The following KCNIP4 variants were observed in gnomAD, a reference collection of about 807,000 sequenced individuals.
The protein encoded by KCNIP4 is Kv channel-interacting protein 4.
A neutral mutation model predicts 34.0 loss-of-function variants in KCNIP4; 12 were observed. The ratio of observed to expected loss-of-function variants is 0.35; its 90% CI spans 0.23 to 0.57. The LOEUF (loss-of-function observed/expected upper bound fraction) is 0.57. Ranked by LOEUF, KCNIP4 falls within the 20% of genes least tolerant of loss-of-function variation. KCNIP4 has a pLI of 0.83. For missense variants in KCNIP4, 238 were observed against 311.7 expected, an observed-to-expected ratio of 0.76 and a Z score of 1.78; for synonymous variants, 124 against 102.2, an observed-to-expected ratio of 1.21 and a Z score of -1.29.
At chr4:21,618,493 G>A (rs1744752772) in intron 1 of KCNIP4, among the ~76,000 whole-genome samples, 1 of 151,844 alleles carries the variant, frequency 6.6e-6, no homozygotes, top group African/African-American at 2.4e-5. Context: ...TACCTTTCTA[G>A]TTGGAGAGTG....
intron 1 of KCNIP4, among the ~76,000 whole-genome samples, chr4:21,066,134 G>A (rs77406001): frequency 0.14 from 20,975 of 151,938 alleles, 1,686 homozygotes; most frequent in East Asian, 0.24. Context: ...TTTGTTTATA[G>A]GATCAACAAC....
At chr4:21,897,014 C>G (rs569191106) in intron 1 of KCNIP4, among the ~76,000 whole-genome samples, 42 of 151,858 alleles carry the variant, frequency 2.8e-4, no homozygotes, top group African/African-American at 9.7e-4. Flanking sequence ...TGTTTATACC[C>G]TGGCTATAGT....
At chr4:21,459,018 C>T (rs184481879) in intron 1 of KCNIP4, among the ~76,000 whole-genome samples, 3 of 152,204 alleles carry the variant, frequency 2.0e-5, no homozygotes, top group East Asian at 1.9e-4. Context: ...TACGTTATCA[C>T]TGTTTTTAAT....
At chr4:21,094,604 A>AG (rs1329306322) in intron 1 of KCNIP4, among the ~76,000 whole-genome samples, 1 of 152,140 alleles carries the variant, frequency 6.6e-6, no homozygotes, top group Non-Finnish European at 1.5e-5. Context: ...TCCTTGTGGG[A>AG]GGGGGTCTCA....
chr4:21,924,238 T>C (rs1729102947), intron 1 of KCNIP4, among the ~76,000 whole-genome samples: 2 of 127,638 alleles, frequency 1.6e-5, no homozygotes, highest in African/African-American at 5.9e-5. Context: ...TTAATGAATA[T>C]ATTTCTTTTT....
chr4:21,387,067 T>C (rs954660572), intron 1 of KCNIP4, among the ~76,000 whole-genome samples: 2 of 152,166 alleles, frequency 1.3e-5, no homozygotes, highest in Non-Finnish European at 2.9e-5. Flanking sequence ...AGGTAGGTTA[T>C]TTCCATGCCT....
At chr4:21,021,833 TA>T (rs1489270781) in intron 1 of KCNIP4, among the ~76,000 whole-genome samples, 1 of 149,970 alleles carries the variant, frequency 6.7e-6, no homozygotes, top group South Asian at 2.1e-4. Context: ...GTGTATGCTC[TA>T]AAATAATAAT....
chr4:20,848,800 T>C (rs1301877296), intron 3 of KCNIP4, among the ~76,000 whole-genome samples: 2 of 152,108 alleles, frequency 1.3e-5, no homozygotes, highest in Non-Finnish European at 2.9e-5. Context: ...CAATCCAATG[T>C]TAAAAAGAAA....
In KCNIP4 at chr4:21,320,964, T is replaced by TAAAAAAAAAAAAAAAAAAAAAAAA. The variant is rs528123961; in HGVS notation, c.62-438256_62-438255insTTTTTTTTTTTTTTTTTTTTTTTT. 7.4e-4 allele frequency among the ~76,000 whole-genome samples: 76 copies of TAAAAAAAAAAAAAAAAAAAAAAAA among 102,832 alleles called. 3 individuals are homozygous for TAAAAAAAAAAAAAAAAAAAAAAAA. Among genetic ancestry groups the TAAAAAAAAAAAAAAAAAAAAAAAA allele is most frequent in the African/African-American group, 2.7e-3 (59 of 21,742 alleles). 67.5% of individuals were successfully genotyped at this position (102,832 alleles called of 152,430 possible). A position where few individuals can be genotyped will look rare whatever the true frequency, so the allele number is the denominator to read the frequency against. On this transcript the variant is annotated intron_variant, in intron 1 of 8. Coordinates refer to ENST00000382152, the MANE Select transcript of KCNIP4 (RefSeq NM_025221.6). The stretch of plus-strand genomic sequence containing the variant: ...TGGGCAATAGAGCAAGAATCTGTCT[T>TAAAAAAAAAAAAAAAAAAAAAAAA]AAAAAAAAAAAAAAAAAAGAGGAAA...
chr4:21,759,149 C>G (rs549113489), intron 1 of KCNIP4, among the ~76,000 whole-genome samples: 1 of 152,046 alleles, frequency 6.6e-6, no homozygotes, highest in Non-Finnish European at 1.5e-5. Flanking sequence ...CTAAGCTGTT[C>G]CCATGAAAAT....
chr4:20,911,922 C>A (rs1157862764), intron 1 of KCNIP4, among the ~76,000 whole-genome samples: 2 of 152,198 alleles, frequency 1.3e-5, no homozygotes, highest in African/African-American at 4.8e-5. Context: ...GTGGATACCA[C>A]ACTGAAATTT....
chr4:21,593,225 T>C (rs1373035743), intron 1 of KCNIP4, among the ~76,000 whole-genome samples: 7 of 151,926 alleles, frequency 4.6e-5, no homozygotes, highest in Admixed American at 3.9e-4. Context: ...TGTACACACA[T>C]TGGACTGTAA....
intron 1 of KCNIP4, among the ~76,000 whole-genome samples, chr4:21,592,386 A>T (rs1191354000): frequency 6.6e-6 from 1 of 152,258 alleles, no homozygotes; most frequent in Non-Finnish European, 1.5e-5. Context: ...TAAGTATTCC[A>T]TCATAGAAAG....
chr4:20,968,598 T>C (rs1008891681), intron 1 of KCNIP4, among the ~76,000 whole-genome samples: 20 of 151,890 alleles, frequency 1.3e-4, no homozygotes, highest in Non-Finnish European at 2.2e-4. Flanking sequence ...TATGCAGCCA[T>C]AAAAAAGGAT....
chr4:20,756,530 G>A (rs1379228009), intron 4 of KCNIP4, among the ~76,000 whole-genome samples: 1 of 152,054 alleles, frequency 6.6e-6, no homozygotes, highest in Non-Finnish European at 1.5e-5. Flanking sequence ...ACTATGATCA[G>A]TTTCCTCATC....
rs564141909 is a variant in KCNIP4 at position 21,105,125 on chromosome 4, C to A, written c.62-222416G>T. On this transcript the variant is annotated intron_variant, in intron 1 of 8. Transcript: ENST00000382152. ...ACCTTAAAGTAGTTTTTTTCCAATT[C>A]TGTGAAGAAAGTCATTGGTAGCTTG... Among the ~76,000 whole-genome samples the A allele has an allele frequency of 2.1e-4, 32 of 151,658 alleles. 2 individuals carry two copies. Among genetic ancestry groups the A allele is most frequent in the African/African-American group, 7.8e-4 (32 of 40,990 alleles).
chr4:21,535,565 A>G (rs986190592), intron 1 of KCNIP4, among the ~76,000 whole-genome samples: 1 of 152,164 alleles, frequency 6.6e-6, no homozygotes, highest in African/African-American at 2.4e-5. Flanking sequence ...CGACAAATGA[A>G]GCATAGTTAC....
rs541599099 is a variant in KCNIP4, at chr4:21,080,739, G to T, written c.62-198030C>A. 2.6e-4 allele frequency among the ~76,000 whole-genome samples: 40 copies of T among 151,690 alleles called. No individual in the cohort carries two copies. In the South Asian group the frequency reaches 5.6e-3, roughly 21 times the overall value. ...TATTTACTTTATTTATTCTAATTTT[G>T]TTATTCCTATACTGTCTAGGCCAGT... On this transcript the variant is annotated intron_variant, in intron 1 of 8. Coordinates refer to ENST00000382152, the MANE Select transcript of KCNIP4 (RefSeq NM_025221.6).
chr4:21,256,238 A>T (rs6855702), intron 1 of KCNIP4, among the ~76,000 whole-genome samples: 83,560 of 151,752 alleles, frequency 0.55, 25,664 homozygotes, highest in African/African-American at 0.84. Flanking sequence ...TCCTGGGGTT[A>T]AAATGAACTT....
Sources: allele counts gnomAD v4.1 joint callset (sites outside exome capture counted in the v4.1 genomes callset), GRCh38; gene constraint gnomAD v4.1.1; transcripts MANE v1.5; gene names NCBI Gene and HGNC (gene_info 2026-07-23, HGNC 2026-07-21).